The following SPECC1 variants were observed in gnomAD, a reference collection of about 807,000 sequenced individuals.
SPECC1 encodes the protein sperm antigen with calponin homology and coiled-coil domains 1.
In SPECC1, 62 loss-of-function variants were observed where a neutral mutation model predicts 104.1. That is an observed-to-expected ratio of 0.60 (90% CI 0.49 to 0.74). SPECC1 has a LOEUF of 0.74. Among genes scored for constraint, SPECC1 ranks in the 30% least tolerant of loss-of-function variants. The pLI, the probability that SPECC1 is intolerant of heterozygous loss-of-function variation, is 0.00. For missense variants in SPECC1, 1,306 were observed against 1,310.5 expected, an observed-to-expected ratio of 1.00 and a Z score of 0.05; for synonymous variants, 513 against 501.6, an observed-to-expected ratio of 1.02 and a Z score of -0.30.
chr17:20,122,007 A>G (rs911332438), intron 3 of SPECC1, among the ~76,000 whole-genome samples: 8 of 152,242 alleles, frequency 5.3e-5, no homozygotes, highest in African/African-American at 1.9e-4. Context: ...CCCTGCCTTC[A>G]TAAAGGTACA....
At chr17:20,201,297 T>TAAA (rs562224075) in intron 3 of SPECC1, among the ~76,000 whole-genome samples, 3 of 133,562 alleles carry the variant, frequency 2.2e-5, no homozygotes, top group African/African-American at 8.2e-5. Context: ...CCATCTCTAC[T>TAAA]AAAAAAAAAA....
At chr17:20,109,494 T>G (rs1259912427) in intron 2 of SPECC1, among the ~76,000 whole-genome samples, 1 of 152,160 alleles carries the variant, frequency 6.6e-6, no homozygotes, top group Non-Finnish European at 1.5e-5. Flanking sequence ...TGTGGATCAC[T>G]TAGGAGTCTC....
At chr17:20,038,403 C>CTTTTTTTTTTTTTTTTTTT (rs10718870) in intron 1 of SPECC1, among the ~76,000 whole-genome samples, 1 of 99,350 alleles carries the variant, frequency 1.0e-5, no homozygotes, top group Non-Finnish European at 2.0e-5. Flanking sequence ...TTTTGATATT[C>CTTTTTTTTTTTTTTTTTTT]TTTTTTTTTT....
chr17:20,099,812 G>T (rs942015149), intron 2 of SPECC1, among the ~76,000 whole-genome samples: 1 of 151,786 alleles, frequency 6.6e-6, no homozygotes, highest in Non-Finnish European at 1.5e-5. Flanking sequence ...CCATTGATAG[G>T]TTCATGTTTT....
chr17:20,242,139 T>C (rs2039230132), intron 7 of SPECC1, among the ~76,000 whole-genome samples: 1 of 152,202 alleles, frequency 6.6e-6, no homozygotes, highest in Non-Finnish European at 1.5e-5. Context: ...CTTTGAATAC[T>C]TTAAAAATCA....
At position 20,315,943 on chromosome 17, in the gene SPECC1, G is replaced by GT. The variant is rs2042035102; in HGVS notation, c.*1879dup. 4.3e-6 allele frequency: 1 copy of GT among 232,628 alleles called. No homozygotes were observed. The highest frequency in any genetic ancestry group is 8.5e-6 in the Non-Finnish European group (1 of 117,682). 14.4% of individuals were successfully genotyped at this position (232,628 alleles called of 1,614,324 possible). ...ACCAGAGATGCAGTTCACATGTTTT[G>GT]TAAGTTCTTTAGGCGACTGAAGCAC... On this transcript the variant is annotated 3_prime_UTR_variant, in exon 15 of 15. Coordinates refer to ENST00000395527, the MANE Select transcript of SPECC1 (RefSeq NM_001243439.2).
chr17:20,237,309 T>C (rs1428466384), intron 7 of SPECC1: 3 of 1,065,290 alleles, frequency 2.8e-6, no homozygotes, highest in Non-Finnish European at 3.4e-6. Context: ...GTTGTTGTTT[T>C]GTTTTGTTTT....
chr17:20,265,962 G>A (rs1858377008), intron 12 of SPECC1, among the ~76,000 whole-genome samples: 1 of 152,148 alleles, frequency 6.6e-6, no homozygotes, highest in African/African-American at 2.4e-5. Context: ...GTGCCATGCT[G>A]TTTTGGTTAC....
chr17:20,204,700 C>T lies in SPECC1; in HGVS notation c.651C>T (p.Val217=), dbSNP rs2036655441. ...GCCCAAATGTCGATGGAACATCAGT[C>T]TCCCCAGGTGACACGGAACCTATGA... ...ALGPNVDGTS[V]SPGDTEPMIR... Residue 217 remains valine, a synonymous_variant, in exon 4 of 15, where the codon GTC becomes GTT. Coordinates refer to ENST00000395527, the MANE Select transcript of SPECC1 (RefSeq NM_001243439.2). 1 of 1,613,836 alleles carries T rather than the reference C, an allele frequency of 6.2e-7. No individual in the cohort carries two copies. Among genetic ancestry groups the T allele is most frequent in the South Asian group, 1.1e-5 (1 of 91,038 alleles).
At chr17:20,313,448 C>T (rs1408906402) in intron 14 of SPECC1, among the ~76,000 whole-genome samples, 1 of 152,210 alleles carries the variant, frequency 6.6e-6, no homozygotes, top group African/African-American at 2.4e-5. Context: ...ACGAGGTGAG[C>T]GTACACTGGA....
intron 3 of SPECC1, among the ~76,000 whole-genome samples, chr17:20,130,238 A>G (rs2049541918): frequency 6.6e-6 from 1 of 151,880 alleles, no homozygotes; most frequent in Admixed American, 6.6e-5. Context: ...TCCTTTCTCT[A>G]TTGAATCGCT....
chr17:20,205,466 A>G lies in SPECC1; in HGVS notation c.1417A>G (p.Ile473Val). Residue 473 changes from isoleucine to valine, a missense_variant, in exon 4 of 15, where the codon ATT becomes GTT. Ile to Val is a conservative substitution (Grantham distance 29). This residue lies in a region of SPECC1 where 1,177 missense variants were observed against 1,139.9 expected (regional missense o/e 1.03). Coordinates refer to ENST00000395527, the MANE Select transcript of SPECC1 (RefSeq NM_001243439.2). Reference protein sequence around the residue: ...IIELEQKCTGILEQGRFEREK... With the variant: ...IIELEQKCTGVLEQGRFEREK... ...TGAACTGGAGCAGAAGTGCACAGGTATTCTTGAACAGGGCCGCTTTGAAAG... is the reference window on the plus strand; with the variant it reads ...TGAACTGGAGCAGAAGTGCACAGGTGTTCTTGAACAGGGCCGCTTTGAAAG... 2 of 1,614,140 alleles carry G rather than the reference A, an allele frequency of 1.2e-6. No individual in the cohort carries two copies. Among genetic ancestry groups the G allele is most frequent in the Non-Finnish European group, 1.7e-6 (2 of 1,180,044 alleles).
At chr17:20,251,521 C>T (rs1040295061) in intron 9 of SPECC1, among the ~76,000 whole-genome samples, 6 of 152,042 alleles carry the variant, frequency 3.9e-5, no homozygotes, top group Non-Finnish European at 7.4e-5. Context: ...CTGTATACCA[C>T]GACCATTATA....
chr17:20,193,091 C>T (rs2035779043), intron 3 of SPECC1, among the ~76,000 whole-genome samples: 1 of 152,176 alleles, frequency 6.6e-6, no homozygotes. Context: ...GTGGATTATT[C>T]ATGCCTCCCC....
At chr17:20,046,484 T>TA (rs2045542564) in intron 1 of SPECC1, among the ~76,000 whole-genome samples, 1 of 152,130 alleles carries the variant, frequency 6.6e-6, no homozygotes, top group South Asian at 2.1e-4. Context: ...AAGAAATGAA[T>TA]AAATAGACAG....
At chr17:20,015,631 C>A (rs2044092331) in intron 1 of SPECC1, among the ~76,000 whole-genome samples, 1 of 139,744 alleles carries the variant, frequency 7.2e-6, no homozygotes, top group African/African-American at 2.7e-5. Flanking sequence ...GTCGCCCAGG[C>A]TGGAAGGCAA....
At chr17:20,170,438 A>G (rs921879126) in intron 3 of SPECC1, among the ~76,000 whole-genome samples, 30 of 152,328 alleles carry the variant, frequency 2.0e-4, no homozygotes, top group African/African-American at 7.0e-4. Flanking sequence ...TAGTACCACA[A>G]ACTTCCAGAA....
chr17:20,111,837 C>CTAA, intron 3 of SPECC1: 1 of 837,402 alleles, frequency 1.2e-6, no homozygotes, highest in South Asian at 1.3e-5. Flanking sequence ...AGGTGGGTGG[C>CTAA]CCTGTTCCTG....
intron 14 of SPECC1, among the ~76,000 whole-genome samples, chr17:20,306,349 A>T (rs2041764189): frequency 6.6e-6 from 1 of 152,256 alleles, no homozygotes; most frequent in South Asian, 2.1e-4. Flanking sequence ...CTTGTTCAGA[A>T]CACCTAGAAA....
Sources: allele counts gnomAD v4.1 joint callset (sites outside exome capture counted in the v4.1 genomes callset), GRCh38; gene constraint gnomAD v4.1.1; regional missense constraint gnomAD v4.1.1; transcripts MANE v1.5; gene names NCBI Gene and HGNC (gene_info 2026-07-23, HGNC 2026-07-21).